The following CLK1 variants were observed in gnomAD, a reference collection of about 807,000 sequenced individuals.
CLK1 encodes CDC like kinase 1.
A neutral mutation model predicts 60.9 loss-of-function variants in CLK1; 40 were observed. The observed-to-expected ratio is 0.66, with a 90% CI of 0.51 to 0.86. The LOEUF is 0.86. Ranked by LOEUF, CLK1 falls within the 40% of genes least tolerant of loss-of-function variation. The pLI, the probability that CLK1 is intolerant of heterozygous loss-of-function variation, is 0.00. For missense variants in CLK1, 563 were observed against 606.1 expected, an observed-to-expected ratio of 0.93 and a Z score of 0.75; for synonymous variants, 203 against 184.4, an observed-to-expected ratio of 1.10 and a Z score of -0.82.
intron 1 of CLK1, chr2:200,864,357 C>T: frequency 1.6e-6 from 2 of 1,242,672 alleles, no homozygotes; most frequent in Non-Finnish European, 1.1e-6. Flanking sequence ...GTAACTACCC[C>T]CGCAGGCCGG....
rs752226103 is a variant in CLK1 at position 200,860,852 on chromosome 2, T to C, written c.390+386A>G. ...ACTTGTTAGAACAAAGAAGCATACCTAATCCTAAATTATACAAAAATAAAA... is the reference window on the plus strand; with the variant it reads ...ACTTGTTAGAACAAAGAAGCATACCCAATCCTAAATTATACAAAAATAAAA... On this transcript the variant is annotated intron_variant, in intron 3 of 12. Transcript: ENST00000321356. 3.0e-4 allele frequency: 312 copies of C among 1,054,354 alleles called. 2 individuals carry two copies. The highest frequency in any genetic ancestry group is 3.4e-4 in the Non-Finnish European group (299 of 872,862). The allele number at this position is 1,054,354 out of a possible 1,614,324, so 65.3% of individuals were successfully genotyped here.
chr2:200,861,477 A>T lies in CLK1; in HGVS notation c.162-11T>A. 6.2e-7 allele frequency: 1 copy of T among 1,610,320 alleles called. No individual in the cohort carries two copies. Among genetic ancestry groups the T allele is most frequent in the South Asian group, 1.1e-5 (1 of 90,428 alleles). Reference sequence around the variant, plus strand: ...CTTTCCAAATAATGGCTAGAGAAATAAAAATTATTTTCAATGTTTTATGCT... The same window carrying T: ...CTTTCCAAATAATGGCTAGAGAAATTAAAATTATTTTCAATGTTTTATGCT... On this transcript the variant is annotated splice_polypyrimidine_tract_variant and intron_variant, in intron 2 of 12. Coordinates refer to ENST00000321356, the MANE Select transcript of CLK1 (RefSeq NM_004071.4).
intron 10 of CLK1, 121 bp from the exon 11 acceptor site, chr2:200,854,816 T>C: frequency 2.4e-6 from 2 of 820,660 alleles, no homozygotes; most frequent in Admixed American, 2.3e-5. Context: ...ATTCCCTACA[T>C]GGACACGGAT....
chr2:200,861,223 T>C lies in CLK1; in HGVS notation c.390+15A>G. The C allele has an allele frequency of 6.2e-7, 1 of 1,606,006 alleles. No homozygotes were observed. The highest frequency in any genetic ancestry group is 1.3e-5 in the African/African-American group (1 of 74,702). ...GGGATATAAAATTTCCAAAATGTTT[T>C]AAAAACGTTCATACCCCATGTGAAC... On this transcript the variant is annotated intron_variant, in intron 3 of 12. Coordinates refer to ENST00000321356, the MANE Select transcript of CLK1 (RefSeq NM_004071.4).
intron 1 of CLK1, chr2:200,864,078 G>C (rs998669201): frequency 3.9e-6 from 6 of 1,545,078 alleles, no homozygotes; most frequent in Non-Finnish European, 5.2e-6. Flanking sequence ...ACCCCTACGG[G>C]TTCCGTCTCT....
At chr2:200,864,490 G>A (rs1177821457) in intron 1 of CLK1, 74 bp downstream of exon 1, 9 of 447,898 alleles carry the variant, frequency 2.0e-5, no homozygotes, top group Non-Finnish European at 3.5e-5. Context: ...AGCAGGAAAA[G>A]GGGGCATCGC....
chr2:200,861,989 T>C, intron 1 of CLK1, 127 bp from the exon 2 acceptor site: 1 of 703,174 alleles, frequency 1.4e-6, no homozygotes, highest in Non-Finnish European at 2.4e-6. Flanking sequence ...TATCACCCAA[T>C]CTGAAATCAC....
chr2:200,854,808 TCCCTA>T lies in CLK1; in HGVS notation c.1141-118_1141-114del. 5.9e-6 allele frequency: 5 copies of T among 853,072 alleles called. No individual in the cohort carries two copies. In the Admixed American group the frequency reaches 1.1e-4, roughly 19 times the overall value. The allele number at this position is 853,072 out of a possible 1,614,324, so 52.8% of individuals were successfully genotyped here. On this transcript the variant is annotated intron_variant, in intron 10 of 12. Transcript: ENST00000321356. ...CTTGCAGAACAAACTCGCCAATGAT[TCCCTA>T]CATGGACACGGATAATTGCTTATAT...
Position 200,855,083 on chromosome 2 carries a change from A to AG in CLK1, c.1060dup (p.Leu354ProfsTer8). 1 of 1,592,328 alleles carries AG rather than the reference A, an allele frequency of 6.3e-7. No individual in the cohort carries two copies. Among genetic ancestry groups the AG allele is most frequent in the Non-Finnish European group, 8.5e-7 (1 of 1,174,288 alleles). ...GACATCACATGGTTGGGACCACCCT[A>AG]GGGCTGCAAAGCAAAGCAAAATTTA... On this transcript the variant is annotated frameshift_variant, in exon 10 of 13. Coordinates refer to ENST00000321356, the MANE Select transcript of CLK1 (RefSeq NM_004071.4). LOFTEE classifies it high-confidence loss of function.
At chr2:200,857,101 T>C (rs2039056174) in intron 7 of CLK1, 116 bp from the exon 8 acceptor site, 2 of 777,704 alleles carry the variant, frequency 2.6e-6, no homozygotes, top group East Asian at 2.7e-5. Flanking sequence ...AGGTCAGGAG[T>C]TCGAGACCAG....
chr2:200,855,774 C>G (rs574857576), intron 9 of CLK1, among the ~76,000 whole-genome samples: 99 of 152,104 alleles, frequency 6.5e-4, no homozygotes, highest in African/African-American at 2.3e-3. Flanking sequence ...TTTGCAAAGC[C>G]AAGGCAGGCA....
Position 200,854,708 on chromosome 2 carries a change from TAAA to T in CLK1, c.1141-16_1141-14del. 1 of 1,574,596 alleles carries T rather than the reference TAAA, an allele frequency of 6.4e-7. No homozygotes were observed. The highest frequency in any genetic ancestry group is 8.7e-7 in the Non-Finnish European group (1 of 1,145,912). Reference sequence around the variant, plus strand: ...TACTATCGTGTGTCTAGAAATAAAATAAAAACAGACTTGGGGAAGATGACCACC... The same window carrying T: ...TACTATCGTGTGTCTAGAAATAAAATAACAGACTTGGGGAAGATGACCACC... On this transcript the variant is annotated splice_polypyrimidine_tract_variant and intron_variant, in intron 10 of 12. Transcript: ENST00000321356.
intron 5 of CLK1, among the ~76,000 whole-genome samples, chr2:200,858,919 A>G (rs2039090016): frequency 6.6e-6 from 1 of 151,950 alleles, no homozygotes; most frequent in Admixed American, 6.6e-5. Context: ...TCATGCCTGT[A>G]ATCCCAGCAC....
At chr2:200,854,754 A>G in intron 10 of CLK1, 59 bp from the exon 11 acceptor site, 1 of 1,236,764 alleles carries the variant, frequency 8.1e-7, no homozygotes, top group Non-Finnish European at 1.2e-6. Flanking sequence ...ACACAGTTAA[A>G]GCTGACAGCA....
chr2:200,861,354 C>G lies in CLK1; in HGVS notation c.274G>C (p.Asp92His). The change falls in exon 3 of 13, where the codon GAC becomes CAC. Residue 92 changes from aspartate (D) to histidine (H), a missense_variant. Coordinates refer to ENST00000321356, the MANE Select transcript of CLK1 (RefSeq NM_004071.4). The stretch of plus-strand genomic sequence containing the variant: ...TGGTTCTGATACCGGCTTTCATGGT[C>G]TCTTTGGCGATGTCCAGGTTCACAT... ...QGCEPGHRQR[D>H]HESRYQNHSS... The G allele has an allele frequency of 1.9e-6, 3 of 1,614,170 alleles. No homozygotes were observed. The highest frequency in any genetic ancestry group is 1.7e-6 in the Non-Finnish European group (2 of 1,180,024).
rs150206434 is a variant in CLK1 at position 200,855,317 on chromosome 2, A to G, written c.1058-231T>C. 3.3e-3 allele frequency among the ~76,000 whole-genome samples: 500 copies of G among 150,632 alleles called. 5 individuals carry two copies. Among genetic ancestry groups the G allele is most frequent in the African/African-American group, 0.012 (475 of 40,182 alleles). On this transcript the variant is annotated intron_variant, in intron 9 of 12. Transcript: ENST00000321356. ...ACAGCGAGATCCCACCTCTATTAAG[A>G]TATATATATATCTGAATTGGCCGGG...
chr2:200,854,817 G>T, intron 10 of CLK1, 122 bp from the exon 11 acceptor site: 1 of 817,688 alleles, frequency 1.2e-6, no homozygotes, highest in Non-Finnish European at 2.0e-6. Flanking sequence ...TTCCCTACAT[G>T]GACACGGATA....
At chr2:200,853,487 C>T in intron 12 of CLK1, 38 bp from the exon 13 acceptor site, 1 of 1,577,690 alleles carries the variant, frequency 6.3e-7, no homozygotes, top group Non-Finnish European at 8.6e-7. Flanking sequence ...CAGCCTTTTC[C>T]ACTACCATTG....
Position 200,854,990 on chromosome 2 carries a change from T to C in CLK1, c.1140+14A>G, listed in dbSNP as rs2039015179. 2 of 1,593,248 alleles carry C rather than the reference T, an allele frequency of 1.3e-6. No homozygotes were observed. The highest frequency in any genetic ancestry group is 1.4e-5 in the African/African-American group (1 of 74,006). Reference sequence around the variant, plus strand: ...TTGTGCAAAGCAAGGTTGAAATAGATCATTGTCACTTACTGGAAATACGGT... The same window carrying C: ...TTGTGCAAAGCAAGGTTGAAATAGACCATTGTCACTTACTGGAAATACGGT... On this transcript the variant is annotated intron_variant, in intron 10 of 12. Transcript: ENST00000321356.
Sources: allele counts gnomAD v4.1 joint callset (sites outside exome capture counted in the v4.1 genomes callset), GRCh38; gene constraint gnomAD v4.1.1; transcripts MANE v1.5; gene names NCBI Gene and HGNC (gene_info 2026-07-23, HGNC 2026-07-21).